KLHDC4: variants seen among roughly 807,000 people sequenced by gnomAD.
KLHDC4 encodes the protein kelch domain-containing protein 4.
Under a neutral mutation model 62.4 loss-of-function variants are expected in KLHDC4, and 90 were observed. The ratio of observed to expected loss-of-function variants is 1.44; its 90% confidence interval spans 1.22 to 1.72. The LOEUF (loss-of-function observed/expected upper bound fraction) is 1.72. KLHDC4 is among the 40% of genes most tolerant of loss of function. KLHDC4 has a pLI of 0.00. For missense variants in KLHDC4, 1,025 were observed against 699.7 expected, an observed-to-expected ratio of 1.47 and a Z score of -5.25; for synonymous variants, 386 against 284.4, an observed-to-expected ratio of 1.36 and a Z score of -3.59.
At chr16:87,728,716 C>G (rs914204091) in intron 6 of KLHDC4, among the ~76,000 whole-genome samples, 12 of 152,130 alleles carry the variant, frequency 7.9e-5, no homozygotes, top group African/African-American at 2.9e-4. Flanking sequence ...CGCGGGGGCT[C>G]AAGCCTATAA....
chr16:87,708,550 T>G, intron 10 of KLHDC4, 84 bp from the exon 11 acceptor site: 1 of 904,946 alleles, frequency 1.1e-6, no homozygotes, highest in Non-Finnish European at 1.6e-6. Context: ...GGCTACGTCC[T>G]GGGGGGATTC....
At chr16:87,701,749 C>G (rs1242653243) in exon 1 of KLHDC4, 3 of 456,660 alleles carry the variant, frequency 6.6e-6, no homozygotes, top group African/African-American at 6.0e-5. Context: ...TGCCGCCCGC[C>G]CGTCCTCCCA....
At chr16:87,704,895 C>A (rs1276870999), downstream of KLHDC4, among the ~76,000 whole-genome samples, 1 of 152,244 alleles carries the variant, frequency 6.6e-6, no homozygotes, top group Non-Finnish European at 1.5e-5. Context: ...CCCTCCAATT[C>A]ATCCTCACAC....
chr16:87,750,999 GT>G (rs2143151380), intron 4 of KLHDC4: 1 of 152,366 alleles, frequency 6.6e-6, no homozygotes, highest in Admixed American at 6.5e-5. Flanking sequence ...CCTAACAAAT[GT>G]TTTGAGTCTA....
Position 87,726,153 on chromosome 16 carries a change from G to C in KLHDC4, c.759+612C>G, listed in dbSNP as rs112380893. The stretch of plus-strand genomic sequence containing the variant: ...TGTTCATGAAACTGAAGAGACCACA[G>C]ACAGCAGCGCCTATTTTCCCACGCC... On this transcript the variant is annotated intron_variant, in intron 7 of 11. Transcript: ENST00000270583. Among the ~76,000 whole-genome samples, 453 of 151,446 alleles carry C rather than the reference G, an allele frequency of 3.0e-3. 5 individuals are homozygous for C. The highest frequency in any genetic ancestry group is 4.5e-3 in the Admixed American group (69 of 15,204).
At chr16:87,735,326 A>C (rs1274413564) in intron 5 of KLHDC4, among the ~76,000 whole-genome samples, 1 of 150,432 alleles carries the variant, frequency 6.6e-6, no homozygotes, top group Non-Finnish European at 1.5e-5. Context: ...AAAAAAAAAA[A>C]CTAAACCAGT....
chr16:87,702,597 T>C (rs1019135242), upstream of KLHDC4: 2 of 253,334 alleles, frequency 7.9e-6, no homozygotes, highest in Non-Finnish European at 1.6e-5. Context: ...TCTGCACCAT[T>C]TGCCATTTCC....
chr16:87,707,807 G>C, downstream of KLHDC4: 1 of 384,100 alleles, frequency 2.6e-6, no homozygotes, highest in Non-Finnish European at 5.3e-6. Context: ...CACCCTCCGC[G>C]GTGGTCTTGT....
intron 8 of KLHDC4, among the ~76,000 whole-genome samples, chr16:87,714,173 C>T (rs1004924761): frequency 2.6e-5 from 4 of 152,222 alleles, no homozygotes; most frequent in African/African-American, 9.6e-5. Context: ...CCTTCGAGAG[C>T]TCAAGACCCT....
chr16:87,712,431 C>T (rs375647446), intron 8 of KLHDC4, among the ~76,000 whole-genome samples: 5 of 152,250 alleles, frequency 3.3e-5, no homozygotes, highest in African/African-American at 9.6e-5. Flanking sequence ...CACAAGAACT[C>T]GCCACACAGG....
At chr16:87,715,082 G>C (rs533173008) in intron 7 of KLHDC4, among the ~76,000 whole-genome samples, 49 of 152,288 alleles carry the variant, frequency 3.2e-4, no homozygotes, top group African/African-American at 1.2e-3. Context: ...TCTGCCTCAA[G>C]TGAGCCTCAG....
At chr16:87,700,953 C>G in exon 1 of KLHDC4, 1 of 236,090 alleles carries the variant, frequency 4.2e-6, no homozygotes, top group Non-Finnish European at 8.5e-6. Flanking sequence ...CGCGCCCAGG[C>G]CGCGTGTCAG....
chr16:87,748,606 A>T, intron 5 of KLHDC4, 67 bp downstream of exon 5: 1 of 1,593,636 alleles, frequency 6.3e-7, no homozygotes, highest in Non-Finnish European at 8.6e-7. Context: ...TGCTCCGAGC[A>T]CTCGGGCTCA....
intron 7 of KLHDC4, among the ~76,000 whole-genome samples, chr16:87,721,537 C>T (rs1316440489): frequency 1.3e-5 from 2 of 151,766 alleles, no homozygotes; most frequent in Non-Finnish European, 1.5e-5. Context: ...CAAGCTGAGA[C>T]AACCTGCAGC....
In KLHDC4 at chr16:87,711,491, C is replaced by A. The variant is rs748770372; in HGVS notation, c.836-48G>T. On this transcript the variant is annotated intron_variant, in intron 8 of 11. Coordinates refer to ENST00000270583, the MANE Select transcript of KLHDC4 (RefSeq NM_017566.4). Reference sequence around the variant, plus strand: ...TGGGATAAGAACACAAGGAAGGACCCTGAGAGCCAGCCCAGGACACGCTCA... The same window carrying A: ...TGGGATAAGAACACAAGGAAGGACCATGAGAGCCAGCCCAGGACACGCTCA... 26 of 1,527,444 alleles carry A rather than the reference C, an allele frequency of 1.7e-5. No individual in the cohort carries two copies. In the African/African-American group the frequency reaches 3.4e-4, roughly 20 times the overall value. The allele number at this position is 1,527,444 out of a possible 1,614,324, so 94.6% of individuals were successfully genotyped here.
At chr16:87,755,455 G>A (rs1285029756) in intron 3 of KLHDC4, 163 bp from the exon 4 acceptor site, 2 of 509,056 alleles carry the variant, frequency 3.9e-6, no homozygotes, top group Non-Finnish European at 7.2e-6. Flanking sequence ...GGGCCATTGG[G>A]GATGACGACA....
At chr16:87,722,343 G>C (rs1020858664) in intron 7 of KLHDC4, among the ~76,000 whole-genome samples, 1 of 152,222 alleles carries the variant, frequency 6.6e-6, no homozygotes, top group African/African-American at 2.4e-5. Flanking sequence ...CCTGGGACGG[G>C]ATCTGGTTAC....
intron 7 of KLHDC4, among the ~76,000 whole-genome samples, chr16:87,716,750 T>C (rs1167832306): frequency 6.6e-6 from 1 of 151,840 alleles, no homozygotes; most frequent in Admixed American, 6.6e-5. Context: ...GCTAACACGA[T>C]GAAACCCCAT....
At chr16:87,704,879 G>A (rs1223976486), downstream of KLHDC4, among the ~76,000 whole-genome samples, 2 of 152,166 alleles carry the variant, frequency 1.3e-5, no homozygotes. Context: ...ACCGCTCATG[G>A]CCAGTCCCTC....
Sources: gnomAD v4.1 joint callset for allele counts (sites outside exome capture counted in the v4.1 genomes callset) on GRCh38, gnomAD v4.1.1 for gene constraint, MANE v1.5 for transcripts, NCBI Gene and HGNC (gene_info 2026-07-23, HGNC 2026-07-21) for gene names.